The following ADGRG2 variants were observed in gnomAD, a reference collection of about 807,000 sequenced individuals.
ADGRG2 encodes adhesion G protein-coupled receptor G2.
Under a neutral mutation model 74.1 loss-of-function variants are expected in ADGRG2, and 26 were observed. The observed-to-expected ratio is 0.35, with a 90% CI of 0.26 to 0.49. The LOEUF is 0.49. ADGRG2 is among the 20% of genes least tolerant of loss of function. ADGRG2 has a pLI of 0.99. For synonymous variants in ADGRG2, 296 were observed against 295.2 expected (o/e 1.00, Z -0.03); for missense variants, 619 against 763.1 (o/e 0.81, Z 2.22).
In ADGRG2 at chrX:18,990,905, T is replaced by C. The variant is rs773778295; in HGVS notation, c.3013A>G (p.Thr1005Ala). The C allele has an allele frequency of 1.7e-6, 2 of 1,205,903 alleles. No homozygotes were observed. The highest frequency in any genetic ancestry group is 3.6e-5 in the South Asian group (2 of 56,041). Residue 1005 changes from threonine to alanine, a missense_variant, in exon 29 of 29, where the codon ACT becomes GCT. By Grantham distance (58) the Thr-to-Ala change is moderately conservative. Transcript: ENST00000379869. ...AAGTGTAAGCTTCCCCGCTTTGAAG[T>C]CCTTCTGAGAGCCATACGGCCTTTC... is the stretch of plus-strand genomic sequence containing the variant. ...NGKGRMALRR[T>A]SKRGSLHFIE...
intron 2 of ADGRG2, among the ~76,000 whole-genome samples, chrX:19,076,252 C>T (rs376421175): frequency 1.8e-5 from 2 of 111,448 alleles, no homozygotes; most frequent in Non-Finnish European, 3.8e-5. Context: ...TCCAGGGTCC[C>T]GGATTCCCAG....
At chrX:19,068,121 T>C (rs1420529833) in intron 3 of ADGRG2, among the ~76,000 whole-genome samples, 1 of 112,040 alleles carries the variant, frequency 8.9e-6, no homozygotes, top group Non-Finnish European at 1.9e-5. Flanking sequence ...CTCCTAGGTA[T>C]ATACCCCAAA....
chrX:19,025,320 C>T (rs1201211188), intron 11 of ADGRG2, among the ~76,000 whole-genome samples: 1 of 111,043 alleles, frequency 9.0e-6, no homozygotes, highest in African/African-American at 3.3e-5. Flanking sequence ...GGTCTCAGCC[C>T]CTAAATACTG....
chrX:19,110,531 C>T lies in ADGRG2; in HGVS notation c.-47+11911G>A, dbSNP rs148297425. On this transcript the variant is annotated intron_variant, in intron 1 of 28. Transcript: ENST00000379869. ...AACCCCATCTTCTCTACTAAAAATA[C>T]AAAAATTAGCCGGGTGTGGTTGCAT... 4.9e-3 allele frequency among the ~76,000 whole-genome samples: 541 copies of T among 109,335 alleles called. 4 individuals carry two copies. The highest frequency in any genetic ancestry group is 0.017 in the African/African-American group (511 of 30,076). 94.9% of individuals were successfully genotyped at this position (109,335 alleles called of 115,157 possible).
chrX:19,059,221 A>G (rs1024026787), intron 3 of ADGRG2, among the ~76,000 whole-genome samples: 1 of 111,647 alleles, frequency 9.0e-6, no homozygotes, highest in African/African-American at 3.3e-5. Flanking sequence ...CAACAACAAG[A>G]AAACCATTTT....
intron 9 of ADGRG2, among the ~76,000 whole-genome samples, chrX:19,030,319 G>A (rs981525128): frequency 1.8e-5 from 2 of 111,986 alleles, no homozygotes; most frequent in East Asian, 2.8e-4. Context: ...ACAAGGAAGG[G>A]AGCCCAGAGA....
chrX:19,064,771 G>A (rs2061539666), intron 3 of ADGRG2, among the ~76,000 whole-genome samples: 1 of 112,379 alleles, frequency 8.9e-6, no homozygotes, highest in Admixed American at 9.4e-5. Flanking sequence ...CAGATGGCCT[G>A]AATTTGAATT....
At chrX:19,088,289 C>A (rs1326236413) in intron 1 of ADGRG2, among the ~76,000 whole-genome samples, 2 of 111,961 alleles carry the variant, frequency 1.8e-5, no homozygotes, top group Non-Finnish European at 3.8e-5. Flanking sequence ...AGTGAGCTTT[C>A]TTCCATTAAT....
chrX:19,076,267 C>T (rs777026557), intron 2 of ADGRG2, among the ~76,000 whole-genome samples: 18 of 111,293 alleles, frequency 1.6e-4, no homozygotes, highest in Non-Finnish European at 3.4e-4. Context: ...TCCCAGAGTA[C>T]GATCTAGAAG....
At chrX:18,996,226 G>T in intron 26 of ADGRG2, 74 bp from the exon 27 acceptor site, 1 of 518,317 alleles carries the variant, frequency 1.9e-6, no homozygotes, top group Admixed American at 3.0e-5. Flanking sequence ...TTGCACAAAA[G>T]ATATTAATAA....
In ADGRG2 at chrX:19,013,996, C is replaced by G. The variant is rs1355679832; in HGVS notation, c.789G>C (p.Val263=). ...GGGAAAGCACAGTGGCCCGAGGCAC[C>G]ACTGGGATGGATTGGCTGGAAGAAA... ...PPFSSSQSIP[V]VPRATVLSQV... Residue 263 remains valine, a synonymous_variant, in exon 16 of 29, where the codon GTG becomes GTC. Coordinates refer to ENST00000379869, the MANE Select transcript of ADGRG2 (RefSeq NM_001079858.3). 1.7e-6 allele frequency: 2 copies of G among 1,209,284 alleles called. No homozygotes were observed. The highest frequency in any genetic ancestry group is 1.1e-6 in the Non-Finnish European group (1 of 893,743).
intron 28 of ADGRG2, among the ~76,000 whole-genome samples, chrX:18,991,827 A>G (rs1306294136): frequency 8.9e-6 from 1 of 112,214 alleles, no homozygotes; most frequent in East Asian, 2.8e-4. Context: ...CTGAATAATA[A>G]GCCCATTTGA....
In ADGRG2 at chrX:19,033,589, C is replaced by G. The variant is rs777228614; in HGVS notation, c.304+24G>C. ...TTACTTTAGTTATAAAAAGGAAAGT[C>G]TTGATATTGATAATAAGTCATACCT... On this transcript the variant is annotated intron_variant, in intron 8 of 28. Transcript: ENST00000379869. The G allele has an allele frequency of 4.5e-5, 31 of 682,456 alleles. No homozygotes were observed. The Admixed American group carries it at 5.2e-4, about 11-fold the overall frequency. 56.2% of individuals were successfully genotyped at this position (682,456 alleles called of 1,213,427 possible).
At chrX:19,061,511 A>C (rs1036520054) in intron 3 of ADGRG2, among the ~76,000 whole-genome samples, 3 of 111,905 alleles carry the variant, frequency 2.7e-5, no homozygotes, top group Non-Finnish European at 5.6e-5. Context: ...TTCTGTGTTC[A>C]ATATGTATTC....
At chrX:19,036,595 C>A (rs2060944982) in intron 6 of ADGRG2, among the ~76,000 whole-genome samples, 1 of 98,462 alleles carries the variant, frequency 1.0e-5, no homozygotes, top group Non-Finnish European at 2.0e-5. Flanking sequence ...AACCAAAAGG[C>A]ATTTATTACA....
intron 26 of ADGRG2, among the ~76,000 whole-genome samples, chrX:18,997,422 G>GGGTAC (rs779016438): frequency 6.2e-5 from 7 of 112,035 alleles, no homozygotes; most frequent in Admixed American, 9.5e-5. Context: ...ATGTGAGGGT[G>GGGTAC]GGTACCTTGC....
intron 1 of ADGRG2, among the ~76,000 whole-genome samples, chrX:19,091,023 C>T (rs1259714102): frequency 9.0e-6 from 1 of 110,923 alleles, no homozygotes; most frequent in Non-Finnish European, 1.9e-5. Flanking sequence ...ACTTGCCCAC[C>T]AAAGAGGCAA....
chrX:19,008,796 C>T (rs904373948), intron 18 of ADGRG2, among the ~76,000 whole-genome samples: 1 of 112,230 alleles, frequency 8.9e-6, no homozygotes, highest in African/African-American at 3.2e-5. Context: ...ACTGTAGCAG[C>T]AGACACACCA....
At chrX:19,056,452 G>A (rs996090405) in intron 3 of ADGRG2, among the ~76,000 whole-genome samples, 4 of 111,454 alleles carry the variant, frequency 3.6e-5, no homozygotes, top group Non-Finnish European at 3.8e-5. Context: ...TGCTCCTAGC[G>A]AATGTTCATA....
Sources: allele counts gnomAD v4.1 joint callset (sites outside exome capture counted in the v4.1 genomes callset), GRCh38; gene constraint gnomAD v4.1.1; transcripts MANE v1.5; gene names NCBI Gene and HGNC (gene_info 2026-07-23, HGNC 2026-07-21).